The following SRC variants were observed in gnomAD, a reference collection of about 807,000 sequenced individuals.
SRC encodes the protein SRC proto-oncogene, non-receptor tyrosine kinase.
A neutral mutation model predicts 62.9 loss-of-function variants in SRC; 13 were observed. That is an observed-to-expected ratio of 0.21 (90% CI 0.13 to 0.33). SRC has a LOEUF of 0.33. Ranked by LOEUF, SRC falls within the 10% of genes least tolerant of loss-of-function variation. The probability of loss-of-function intolerance (pLI) is 1.00; values close to 1 mark genes in which losing one functional copy is unlikely to be tolerated. For missense variants in SRC, 457 were observed against 737.3 expected (o/e 0.62, Z 4.40); for synonymous variants, 302 against 317.5 (o/e 0.95, Z 0.52).
intron 5 of SRC, among the ~76,000 whole-genome samples, chr20:37,387,228 A>T (rs190841652): frequency 2.6e-5 from 4 of 152,300 alleles, no homozygotes; most frequent in African/African-American, 9.6e-5. Flanking sequence ...CCTTTGCCTG[A>T]AATGCCCTTT....
chr20:37,390,388 CTTTTTTTTTTTT>C lies in SRC; in HGVS notation c.351-3491_351-3480del, dbSNP rs562064689. Among the ~76,000 whole-genome samples, 8 of 85,648 alleles carry C rather than the reference CTTTTTTTTTTTT, an allele frequency of 9.3e-5. No individual in the cohort carries two copies. In the South Asian group the frequency reaches 1.1e-3, roughly 12 times the overall value. 56.2% of individuals were successfully genotyped at this position (85,648 alleles called of 152,430 possible). ...CATGTTGTGCTGGGCTCTGATCTGG[CTTTTTTTTTTTT>C]TTTTTTTTTTTTTTTGAGACCGGAT... is the stretch of plus-strand genomic sequence containing the variant. On this transcript the variant is annotated intron_variant, in intron 5 of 13. Transcript: ENST00000373578.
At chr20:37,358,313 A>G (rs1176816640) in intron 1 of SRC, among the ~76,000 whole-genome samples, 1 of 152,182 alleles carries the variant, frequency 6.6e-6, no homozygotes, top group East Asian at 1.9e-4. Context: ...TGGTCACCCC[A>G]GAGCTGGGCT....
chr20:37,364,983 C>T (rs987953907), intron 1 of SRC, among the ~76,000 whole-genome samples: 1 of 152,156 alleles, frequency 6.6e-6, no homozygotes, highest in Non-Finnish European at 1.5e-5. Context: ...TTCTCCCAGC[C>T]AGAGGAGATG....
chr20:37,373,665 T>C (rs1181430524), intron 2 of SRC, among the ~76,000 whole-genome samples: 1 of 152,260 alleles, frequency 6.6e-6, no homozygotes, highest in Admixed American at 6.5e-5. Flanking sequence ...ATCTGATTGA[T>C]TTGTAATTTA....
chr20:37,368,277 G>GC (rs2070096375), intron 2 of SRC, among the ~76,000 whole-genome samples: 1 of 151,868 alleles, frequency 6.6e-6, no homozygotes, highest in African/African-American at 2.4e-5. Flanking sequence ...AATTAGCCAG[G>GC]CGCACTGGCG....
chr20:37,366,637 C>A (rs1043522911), intron 2 of SRC, among the ~76,000 whole-genome samples: 7 of 152,190 alleles, frequency 4.6e-5, no homozygotes, highest in African/African-American at 1.7e-4. Context: ...CAAGTGTGCT[C>A]TTTTGTGGCT....
At chr20:37,393,412 C>T (rs867265248) in intron 5 of SRC, among the ~76,000 whole-genome samples, 3 of 152,228 alleles carry the variant, frequency 2.0e-5, no homozygotes, top group East Asian at 1.9e-4. Context: ...CTCCCAGGAG[C>T]GGGCTTCCAA....
chr20:37,386,276 G>T, intron 5 of SRC, 102 bp downstream of exon 5: 1 of 1,176,892 alleles, frequency 8.5e-7, no homozygotes, highest in Non-Finnish European at 1.3e-6. Flanking sequence ...ACAGTGCAGA[G>T]CCCAGGGCAG....
intron 1 of SRC, among the ~76,000 whole-genome samples, chr20:37,348,897 T>C (rs1329455076): frequency 6.6e-6 from 1 of 152,144 alleles, no homozygotes; most frequent in Non-Finnish European, 1.5e-5. Flanking sequence ...GAAGTGCATG[T>C]GCAAAGGCCC....
rs2147051599 is a variant in SRC, at chr20:37,384,458, C to T, written c.250+55C>T. ...CCCACCTGGGGCCACGGCGGGGAGG[C>T]GGCGGGGCTGTGTGCCCGGGGTCGC... is the stretch of plus-strand genomic sequence containing the variant. On this transcript the variant is annotated intron_variant, in intron 4 of 13. Transcript: ENST00000373578. This position sits in a 1 kb window ranked among gnomAD's most constrained non-coding sequence, Gnocchi z 6.7. The T allele has an allele frequency of 8.1e-7, 1 of 1,236,182 alleles. No homozygotes were observed. Among genetic ancestry groups the T allele is most frequent in the Non-Finnish European group, 1.0e-6 (1 of 991,360 alleles). 76.6% of individuals were successfully genotyped at this position (1,236,182 alleles called of 1,614,324 possible).
intron 4 of SRC, among the ~76,000 whole-genome samples, chr20:37,385,496 C>T (rs1008677169): frequency 6.6e-6 from 1 of 150,658 alleles, no homozygotes; most frequent in African/African-American, 2.5e-5. Flanking sequence ...AGGCGCAAAA[C>T]AGGCAGGGAG....
Position 37,401,695 on chromosome 20 carries a change from C to T in SRC, c.1116+17C>T, listed in dbSNP as rs367571916. ...GCTGCTCAGGTGAGTCAGCCCCTCC[C>T]GCCTCCCCACACCCTTGGTCCTCAA... On this transcript the variant is annotated intron_variant, in intron 11 of 13. Coordinates refer to ENST00000373578, the MANE Select transcript of SRC (RefSeq NM_198291.3). 1.6e-5 allele frequency: 26 copies of T among 1,597,804 alleles called. No homozygotes were observed. The highest frequency in any genetic ancestry group is 9.1e-5 in the East Asian group (4 of 44,042).
intron 1 of SRC, among the ~76,000 whole-genome samples, chr20:37,358,754 G>GC (rs1261817890): frequency 6.6e-6 from 1 of 152,214 alleles, no homozygotes; most frequent in Non-Finnish European, 1.5e-5. Flanking sequence ...GAGCTCCGTG[G>GC]CCCCCCTGCT....
At chr20:37,354,090 C>T (rs2069844890) in intron 1 of SRC, among the ~76,000 whole-genome samples, 1 of 152,096 alleles carries the variant, frequency 6.6e-6, no homozygotes, top group Admixed American at 6.5e-5. Context: ...AGGGAAAGAC[C>T]ACCCCGTTAT....
intron 2 of SRC, among the ~76,000 whole-genome samples, chr20:37,373,361 C>T (rs1053896163): frequency 1.3e-5 from 2 of 149,916 alleles, no homozygotes; most frequent in African/African-American, 5.0e-5. Flanking sequence ...TACATATATA[C>T]ACATACACAT....
At chr20:37,355,332 T>A (rs1309984072) in intron 1 of SRC, among the ~76,000 whole-genome samples, 1 of 151,860 alleles carries the variant, frequency 6.6e-6, no homozygotes, top group South Asian at 2.1e-4. Flanking sequence ...TTCTCTCCTG[T>A]GCCCTAGTTT....
At chr20:37,364,465 T>A (rs906388602) in intron 1 of SRC, among the ~76,000 whole-genome samples, 3 of 152,092 alleles carry the variant, frequency 2.0e-5, no homozygotes, top group African/African-American at 7.2e-5. Context: ...GGGCCCCTGG[T>A]TTATTTGGCC....
In SRC at chr20:37,402,344, G is replaced by T; in HGVS notation, c.1117-91G>T. The T allele has an allele frequency of 6.7e-7, 1 of 1,496,784 alleles. No homozygotes were observed. Among genetic ancestry groups the T allele is most frequent in the East Asian group, 2.3e-5 (1 of 43,856 alleles). 92.7% of individuals were successfully genotyped at this position (1,496,784 alleles called of 1,614,324 possible). On this transcript the variant is annotated intron_variant, in intron 11 of 13. Coordinates refer to ENST00000373578, the MANE Select transcript of SRC (RefSeq NM_198291.3). This position sits in a 1 kb window ranked among gnomAD's most constrained non-coding sequence, Gnocchi z 6.2. ...GAAGAAGTGTGGGGAGGGTGGGGAA[G>T]GGGTGGTTGGCTCTCCAGCCCCAGA...
intron 2 of SRC, among the ~76,000 whole-genome samples, chr20:37,380,062 A>T (rs1167134100): frequency 6.6e-6 from 1 of 151,972 alleles, no homozygotes. Context: ...GGGAGGCGGC[A>T]GTGTAGAATC....
Sources: allele counts gnomAD v4.1 joint callset (sites outside exome capture counted in the v4.1 genomes callset), GRCh38; gene constraint gnomAD v4.1.1; non-coding constraint Gnocchi (gnomAD v3.1); transcripts MANE v1.5; gene names NCBI Gene and HGNC (gene_info 2026-07-23, HGNC 2026-07-21).